Variants in NUP205 observed in about 807,000 individuals in gnomAD.
The protein encoded by NUP205 is nuclear pore complex protein Nup205.
In NUP205, 76 loss-of-function variants were observed where a neutral mutation model predicts 253.8. The ratio of observed to expected loss-of-function variants is 0.30; its 90% confidence interval spans 0.25 to 0.36. NUP205 has a LOEUF of 0.36. Among genes scored for constraint, NUP205 ranks in the 10% least tolerant of loss-of-function variants. NUP205 has a pLI of 1.00. For missense variants in NUP205, 2,162 were observed against 2,425.5 expected, an observed-to-expected ratio of 0.89 and a Z score of 2.28; for synonymous variants, 832 against 850.1, an observed-to-expected ratio of 0.98 and a Z score of 0.37.
intron 36 of NUP205, among the ~76,000 whole-genome samples, chr7:135,636,006 A>G (rs1794804152): frequency 6.6e-6 from 1 of 152,110 alleles, no homozygotes; most frequent in Admixed American, 6.5e-5. Flanking sequence ...TGACTGTGTA[A>G]ATGTCATTTG....
intron 22 of NUP205, among the ~76,000 whole-genome samples, chr7:135,608,444 C>T (rs546648259): frequency 2.1e-4 from 32 of 152,230 alleles, no homozygotes; most frequent in Non-Finnish European, 3.8e-4. Flanking sequence ...TGGTGGCTCA[C>T]GCCCATAACC....
chr7:135,619,328 C>G, intron 28 of NUP205, 95 bp from the exon 29 acceptor site: 1 of 1,309,730 alleles, frequency 7.6e-7, no homozygotes, highest in Non-Finnish European at 1.1e-6. Flanking sequence ...GGTGACAGAG[C>G]GAGACCCTGT....
chr7:135,635,585 A>G lies in NUP205; in HGVS notation c.5064A>G (p.Ile1688Met), dbSNP rs981626091. 2 of 1,551,938 alleles carry G rather than the reference A, an allele frequency of 1.3e-6. No individual in the cohort carries two copies. Among genetic ancestry groups the G allele is most frequent in the Non-Finnish European group, 1.8e-6 (2 of 1,127,784 alleles). The change falls in exon 36 of 43, where the codon ATA becomes ATG. Residue 1688 changes from isoleucine to methionine, a missense_variant. Ile to Met is a conservative substitution (Grantham distance 10). Around this residue, in one of 5 missense-constraint regions of NUP205, gnomAD observed 1,144 missense variants for 1,280.9 expected, o/e 0.89. Coordinates refer to ENST00000285968, the MANE Select transcript of NUP205 (RefSeq NM_015135.3). ...AAAGCATTCTACATTTTATAGGAAT[A>G]TTAAGTGAACTTGACGTTGATGTAA... is the stretch of plus-strand genomic sequence containing the variant. ...GIISKAALPG[I>M]LSELDVDVNE...
At chr7:135,574,185 A>G (rs1410087469) in intron 3 of NUP205, among the ~76,000 whole-genome samples, 1 of 152,218 alleles carries the variant, frequency 6.6e-6, no homozygotes, top group Non-Finnish European at 1.5e-5. Flanking sequence ...TTTAGTGATC[A>G]GAATTGTTAA....
At chr7:135,629,120 G>A (rs1291024312) in intron 34 of NUP205, among the ~76,000 whole-genome samples, 1 of 152,180 alleles carries the variant, frequency 6.6e-6, no homozygotes, top group East Asian at 1.9e-4. Context: ...TATAAGCTTA[G>A]GCTAGGAATC....
At position 135,572,139 on chromosome 7, in the gene NUP205, G is replaced by A. The variant is rs1449944631; in HGVS notation, c.171+892G>A. On this transcript the variant is annotated intron_variant, in intron 2 of 42. Transcript: ENST00000285968. ...CTCAAAAAGTGTTGGGATTATAGACGTGAGCCACTGTGCCCTGCTGTGATT... is the reference window on the plus strand; with the variant it reads ...CTCAAAAAGTGTTGGGATTATAGACATGAGCCACTGTGCCCTGCTGTGATT... Among the ~76,000 whole-genome samples the A allele has an allele frequency of 4.6e-5, 7 of 152,034 alleles. 1 individual carries two copies. Among genetic ancestry groups the A allele is most frequent in the South Asian group, 4.2e-4 (2 of 4,814 alleles).
intron 7 of NUP205, among the ~76,000 whole-genome samples, chr7:135,582,951 G>A (rs1033688963): frequency 6.6e-6 from 1 of 152,066 alleles, no homozygotes; most frequent in Admixed American, 6.5e-5. Flanking sequence ...TTAGCCAGGC[G>A]TGGTGGTGCG....
At chr7:135,623,490 T>C (rs1391975022) in intron 31 of NUP205, among the ~76,000 whole-genome samples, 2 of 152,222 alleles carry the variant, frequency 1.3e-5, no homozygotes, top group Non-Finnish European at 2.9e-5. Context: ...GGTTGACTGG[T>C]AGAAACAACA....
intron 14 of NUP205, chr7:135,597,741 T>C: frequency 2.1e-6 from 1 of 465,248 alleles, no homozygotes; most frequent in Non-Finnish European, 3.8e-6. Flanking sequence ...ATTCTCCCTC[T>C]CTTTTAAAAG....
chr7:135,604,302 T>C, intron 18 of NUP205, 38 bp from the exon 19 acceptor site: 1 of 1,557,822 alleles, frequency 6.4e-7, no homozygotes, highest in Non-Finnish European at 8.6e-7. Flanking sequence ...CACCAAAAAT[T>C]TTATCACTGT....
Position 135,617,610 on chromosome 7 carries a change from T to C in NUP205, c.3699T>C (p.His1233=), listed in dbSNP as rs778548321. Residue 1233 remains histidine, a synonymous_variant, in exon 27 of 43, where the codon CAT becomes CAC. Transcript: ENST00000285968. The part of the protein sequence containing the change: ...GQTVCNVKLL[H]RVLVAEVNAL... Reference sequence around the variant, plus strand: ...TTTTCCTAATTATCCAGCTTCTTCATAGGGTTCTTGTAGCTGAAGTAAATG... The same window carrying C: ...TTTTCCTAATTATCCAGCTTCTTCACAGGGTTCTTGTAGCTGAAGTAAATG... 7.3e-5 allele frequency: 118 copies of C among 1,611,888 alleles called. No individual in the cohort carries two copies. The highest frequency in any genetic ancestry group is 9.8e-5 in the Non-Finnish European group (116 of 1,178,262).
rs573978457 is a variant in NUP205, at chr7:135,596,195, A to G, written c.2014-1173A>G. Among the ~76,000 whole-genome samples the G allele has an allele frequency of 7.2e-5, 11 of 152,326 alleles. No homozygotes were observed. The South Asian group carries it at 2.1e-3, about 29-fold the overall frequency. ...GTGATCCGCCTGCCTTGGCCTCCCA[A>G]AGTACTGGGATTACAGGCGTGAGCC... On this transcript the variant is annotated intron_variant, in intron 13 of 42. Transcript: ENST00000285968.
intron 13 of NUP205, among the ~76,000 whole-genome samples, chr7:135,595,852 T>G (rs1251312885): frequency 6.6e-6 from 1 of 152,130 alleles, no homozygotes; most frequent in East Asian, 1.9e-4. Context: ...GGAAAATGGT[T>G]AGGTGGGATA....
In NUP205 at chr7:135,594,562, T is replaced by G. The variant is rs1386655276; in HGVS notation, c.1846T>G (p.Leu616Val). The G allele has an allele frequency of 6.3e-7, 1 of 1,599,884 alleles. No homozygotes were observed. Among genetic ancestry groups the G allele is most frequent in the Admixed American group, 1.8e-5 (1 of 55,918 alleles). ...CAATTCTTAGAGTGAAAATGCTCGCTTGGCACTCTGTGAACACCCTCAGTG... is the reference window on the plus strand; with the variant it reads ...CAATTCTTAGAGTGAAAATGCTCGCGTGGCACTCTGTGAACACCCTCAGTG... ...TIITWSENARLALCEHPQWTP... is the reference protein window; with the variant it reads ...TIITWSENARVALCEHPQWTP... Residue 616 changes from leucine (L) to valine (V), a missense_variant, in exon 13 of 43, where the codon TTG (leucine) becomes GTG (valine). Physicochemically the swap from Leu to Val is conservative, Grantham distance 32. This residue lies in a region of NUP205 where 892 missense variants were observed against 957.1 expected (regional missense o/e 0.93). Coordinates refer to ENST00000285968, the MANE Select transcript of NUP205 (RefSeq NM_015135.3).
intron 1 of NUP205, among the ~76,000 whole-genome samples, chr7:135,569,502 C>A (rs1217213320): frequency 2.6e-5 from 4 of 151,774 alleles, no homozygotes; most frequent in African/African-American, 7.3e-5. Context: ...CTGGTTAGGG[C>A]ACACTCTGAT....
Position 135,577,100 on chromosome 7 carries a change from G to T in NUP205, c.620G>T (p.Gly207Val). ...TTTGAGAAACTACAGCGAGAGAGAG[G>T]TTTGGGCAGTGAAAAACATCGCAAA... ...NEFEKLQRER[G>V]LGSEKHRKEV... The change falls in exon 5 of 43, where the codon GGT becomes GTT. Residue 207 changes from glycine to valine, a missense_variant. Physicochemically the swap from Gly to Val is moderately radical, Grantham distance 109 (BLOSUM62 -3). Transcript: ENST00000285968. 3.7e-6 allele frequency: 6 copies of T among 1,612,972 alleles called. No individual in the cohort carries two copies. The highest frequency in any genetic ancestry group is 5.1e-6 in the Non-Finnish European group (6 of 1,179,736).
At chr7:135,602,097 A>G (rs544624056) in intron 17 of NUP205, among the ~76,000 whole-genome samples, 30 of 152,308 alleles carry the variant, frequency 2.0e-4, no homozygotes, top group African/African-American at 6.7e-4. Flanking sequence ...TCTTGGCTCC[A>G]GAGCTCATGC....
At chr7:135,612,106 T>C (rs76821376) in intron 22 of NUP205, among the ~76,000 whole-genome samples, 5,185 of 152,032 alleles carry the variant, frequency 0.034, 117 homozygotes, top group Middle Eastern at 0.1. Context: ...AGCGACAGAA[T>C]GAAACTGCAT....
In NUP205 at chr7:135,614,163, T is replaced by C; in HGVS notation, c.3200T>C (p.Ile1067Thr). The change falls in exon 23 of 43, where the codon ATA becomes ACA. Residue 1067 changes from isoleucine to threonine, a missense_variant. Physicochemically the swap from Ile to Thr is moderately conservative, Grantham distance 89. Around this residue, in one of 5 missense-constraint regions of NUP205, gnomAD observed 1,144 missense variants for 1,280.9 expected, o/e 0.89. Transcript: ENST00000285968. ...TTTCTTACTTTAATGCTTTAGGTCATATATCAGTTATGTGCATGCTCTGAT... is the reference window on the plus strand; with the variant it reads ...TTTCTTACTTTAATGCTTTAGGTCACATATCAGTTATGTGCATGCTCTGAT... ...PQLAELCYQV[I>T]YQLCACSDTS... 6.5e-7 allele frequency: 1 copy of C among 1,544,826 alleles called. No homozygotes were observed. Among genetic ancestry groups the C allele is most frequent in the Non-Finnish European group, 8.9e-7 (1 of 1,118,572 alleles).
Sources: allele counts gnomAD v4.1 joint callset (sites outside exome capture counted in the v4.1 genomes callset), GRCh38; gene constraint gnomAD v4.1.1; regional missense constraint gnomAD v4.1.1; transcripts MANE v1.5; gene names NCBI Gene and HGNC (gene_info 2026-07-23, HGNC 2026-07-21).